AGBL4: variants seen among roughly 807,000 people sequenced by gnomAD.
AGBL4 encodes the protein cytosolic carboxypeptidase 6.
A neutral mutation model predicts 66.4 loss-of-function variants in AGBL4; 58 were observed. The ratio of observed to expected loss-of-function variants is 0.87; its 90% CI spans 0.71 to 1.09. AGBL4 has a LOEUF of 1.09. AGBL4 is among the 50% of genes least tolerant of loss of function. The pLI is 0.00. For missense variants in AGBL4, 579 were observed against 631.0 expected (o/e 0.92, Z 0.88); for synonymous variants, 234 against 222.9 (o/e 1.05, Z -0.44).
chr1:48,629,295 T>G (rs1016023106), intron 9 of AGBL4, among the ~76,000 whole-genome samples: 2 of 152,156 alleles, frequency 1.3e-5, no homozygotes, highest in African/African-American at 4.8e-5. Context: ...TTGTGTGATG[T>G]GAAGTCACTG....
intron 3 of AGBL4, among the ~76,000 whole-genome samples, chr1:49,329,507 A>G (rs1645289309): frequency 6.6e-6 from 1 of 151,932 alleles, no homozygotes; most frequent in South Asian, 2.1e-4. Flanking sequence ...CTCTTCTGAA[A>G]ATACAAAAAT....
chr1:49,018,450 G>C (rs568841900), intron 5 of AGBL4, among the ~76,000 whole-genome samples: 1 of 152,318 alleles, frequency 6.6e-6, no homozygotes, highest in South Asian at 2.1e-4. Context: ...CCTGAAGGAT[G>C]CTTCCATGCC....
chr1:49,702,178 T>C (rs1404034196), intron 2 of AGBL4, among the ~76,000 whole-genome samples: 2 of 152,050 alleles, frequency 1.3e-5, no homozygotes, highest in Non-Finnish European at 1.5e-5. Context: ...TTCTGTAAAA[T>C]TAAAACTTGT....
chr1:49,282,943 G>A (rs994757243), intron 3 of AGBL4, among the ~76,000 whole-genome samples: 1 of 152,206 alleles, frequency 6.6e-6, no homozygotes, highest in Admixed American at 6.5e-5. Flanking sequence ...GAGGCTGGGG[G>A]AGGGGCGCCC....
chr1:49,404,185 C>T (rs944797983), intron 3 of AGBL4, among the ~76,000 whole-genome samples: 22 of 152,016 alleles, frequency 1.4e-4, no homozygotes, highest in African/African-American at 5.3e-4. Flanking sequence ...GATACAGTCT[C>T]AGAGGAAATA....
intron 6 of AGBL4, among the ~76,000 whole-genome samples, chr1:48,780,082 G>GT (rs547785380): frequency 0.03 from 4,613 of 151,696 alleles, 234 homozygotes; most frequent in African/African-American, 0.1. Context: ...AAACATGCAG[G>GT]TTTGTTACAT....
intron 1 of AGBL4, among the ~76,000 whole-genome samples, chr1:49,965,223 C>T (rs1372448221): frequency 6.6e-6 from 1 of 152,168 alleles, no homozygotes. Flanking sequence ...CATATGCATA[C>T]GTACATGACA....
At chr1:48,655,276 C>T (rs1332002204) in intron 7 of AGBL4, among the ~76,000 whole-genome samples, 1 of 152,184 alleles carries the variant, frequency 6.6e-6, no homozygotes, top group Non-Finnish European at 1.5e-5. Context: ...TAAAATCATT[C>T]CCATTCATCA....
chr1:49,134,851 T>C (rs1569765628), intron 4 of AGBL4, among the ~76,000 whole-genome samples: 2 of 152,140 alleles, frequency 1.3e-5, no homozygotes, highest in East Asian at 3.9e-4. Context: ...AGAGTATTGA[T>C]TGGGGAAGTG....
intron 6 of AGBL4, among the ~76,000 whole-genome samples, chr1:48,715,380 A>G (rs757542783): frequency 6.6e-6 from 1 of 152,084 alleles, no homozygotes; most frequent in Admixed American, 6.6e-5. Context: ...TCATTCATTC[A>G]TTCATTTCTT....
intron 5 of AGBL4, among the ~76,000 whole-genome samples, chr1:49,005,538 C>A (rs985420580): frequency 6.6e-6 from 1 of 152,146 alleles, no homozygotes; most frequent in African/African-American, 2.4e-5. Flanking sequence ...TGCTTGTATT[C>A]AAGTAACCCT....
chr1:49,506,950 C>G (rs1648745042), intron 3 of AGBL4, among the ~76,000 whole-genome samples: 1 of 151,914 alleles, frequency 6.6e-6, no homozygotes, highest in Admixed American at 6.6e-5. Context: ...ATATTCACAC[C>G]CTTATGTACT....
rs1391222446 is a variant in AGBL4 at position 49,263,072 on chromosome 1, G to A, written c.283-17208C>T. On this transcript the variant is annotated intron_variant, in intron 3 of 13. Coordinates refer to ENST00000371839, the MANE Select transcript of AGBL4 (RefSeq NM_032785.4). ...TCGCAAGGACAAAAAACCAAACACCGCATGTTCTCACTCATAGATGGGAAT... is the reference window on the plus strand; with the variant it reads ...TCGCAAGGACAAAAAACCAAACACCACATGTTCTCACTCATAGATGGGAAT... 3.8e-4 allele frequency among the ~76,000 whole-genome samples: 57 copies of A among 151,130 alleles called. 1 individual carries two copies. In the East Asian group the frequency reaches 8.1e-3, roughly 21 times the overall value.
intron 1 of AGBL4, among the ~76,000 whole-genome samples, chr1:49,857,979 T>C (rs995525791): frequency 1.2e-4 from 18 of 151,830 alleles, no homozygotes; most frequent in African/African-American, 4.4e-4. Flanking sequence ...AGGGACTAAC[T>C]CTCTAGAATA....
At chr1:49,541,925 C>A (rs1558034811) in intron 3 of AGBL4, among the ~76,000 whole-genome samples, 1 of 152,064 alleles carries the variant, frequency 6.6e-6, no homozygotes, top group Admixed American at 6.5e-5. Flanking sequence ...ACTTGGAGAA[C>A]CTTTACGTCT....
intron 1 of AGBL4, among the ~76,000 whole-genome samples, chr1:49,940,658 A>C (rs1439642110): frequency 6.6e-6 from 1 of 152,052 alleles, no homozygotes; most frequent in Non-Finnish European, 1.5e-5. Context: ...CAATGAGAAC[A>C]CATGGACACA....
At chr1:49,459,571 G>C (rs936862007) in intron 3 of AGBL4, among the ~76,000 whole-genome samples, 2 of 151,148 alleles carry the variant, frequency 1.3e-5, no homozygotes, top group African/African-American at 4.8e-5. Context: ...GGTTAATCTT[G>C]CTAGGTCTAC....
intron 3 of AGBL4, among the ~76,000 whole-genome samples, chr1:49,307,161 A>G (rs1570397850): frequency 6.6e-6 from 1 of 152,076 alleles, no homozygotes; most frequent in East Asian, 1.9e-4. Flanking sequence ...TTTTTTGTAA[A>G]ATGGAAAGTT....
intron 11 of AGBL4, among the ~76,000 whole-genome samples, chr1:48,577,175 G>C (rs570081605): frequency 6.6e-6 from 1 of 152,318 alleles, no homozygotes; most frequent in East Asian, 1.9e-4. Context: ...CTAATCTTGG[G>C]TCTTTCCACT....
Sources: allele counts gnomAD v4.1 joint callset (sites outside exome capture counted in the v4.1 genomes callset), GRCh38; gene constraint gnomAD v4.1.1; transcripts MANE v1.5; gene names NCBI Gene and HGNC (gene_info 2026-07-23, HGNC 2026-07-21).